The following NXPH4 variants were observed in gnomAD, a reference collection of about 807,000 sequenced individuals.
NXPH4 encodes neurexophilin-4.
In NXPH4, 8 loss-of-function variants were observed where a neutral mutation model predicts 21.3. That is an observed-to-expected ratio of 0.38 (90% CI 0.22 to 0.68). The LOEUF is 0.68. Ranked by LOEUF, NXPH4 falls within the 30% of genes least tolerant of loss-of-function variation. The pLI, the probability that NXPH4 is intolerant of heterozygous loss-of-function variation, is 0.53. For synonymous variants in NXPH4, 219 were observed against 192.6 expected, an observed-to-expected ratio of 1.14 and a Z score of -1.13; for missense variants, 418 against 416.8, an observed-to-expected ratio of 1.00 and a Z score of -0.03.
In NXPH4 at chr12:57,225,904, G is replaced by T; in HGVS notation, c.*157G>T. On this transcript the variant is annotated 3_prime_UTR_variant, in exon 2 of 2. Transcript: ENST00000349394. ...CTTCTCGGGACCCTCAGCTAGCGTG[G>T]GTGCCCTTTTCCTTATGCGGAGTGC... 1.4e-6 allele frequency: 2 copies of T among 1,441,938 alleles called. No homozygotes were observed. Among genetic ancestry groups the T allele is most frequent in the South Asian group, 1.5e-5 (1 of 68,694 alleles). The allele number at this position is 1,441,938 out of a possible 1,614,324, so 89.3% of individuals were successfully genotyped here.
chr12:57,222,508 A>G (rs2037101710), intron 1 of NXPH4, among the ~76,000 whole-genome samples: 1 of 152,138 alleles, frequency 6.6e-6, no homozygotes, highest in African/African-American at 2.4e-5. Context: ...ATCTGATGGC[A>G]TGGGGATAGG....
At position 57,225,983 on chromosome 12, in the gene NXPH4, G is replaced by A. The variant is rs760477789; in HGVS notation, c.*236G>A. On this transcript the variant is annotated 3_prime_UTR_variant, in exon 2 of 2. Transcript: ENST00000349394. ...ACACCCCAAAGTGAAAGGGATAAGAGTGCAGCCCCAGAATAGGCGGGGCTT... is the reference window on the plus strand; with the variant it reads ...ACACCCCAAAGTGAAAGGGATAAGAATGCAGCCCCAGAATAGGCGGGGCTT... 3.6e-5 allele frequency: 50 copies of A among 1,381,506 alleles called. No individual in the cohort carries two copies. Among genetic ancestry groups the A allele is most frequent in the Non-Finnish European group, 4.4e-5 (47 of 1,058,188 alleles). 85.6% of individuals were successfully genotyped at this position (1,381,506 alleles called of 1,614,324 possible).
At chr12:57,222,518 G>C (rs2037101822) in intron 1 of NXPH4, among the ~76,000 whole-genome samples, 1 of 152,154 alleles carries the variant, frequency 6.6e-6, no homozygotes, top group Non-Finnish European at 1.5e-5. Context: ...ATGGGGATAG[G>C]GGGGACCTGG....
Position 57,225,065 on chromosome 12 carries a change from C to A in NXPH4, c.245C>A (p.Ala82Glu). Residue 82 changes from alanine (A) to glutamate (E), a missense_variant, in exon 2 of 2, where the codon GCA (alanine) becomes GAA (glutamate). Coordinates refer to ENST00000349394, the MANE Select transcript of NXPH4 (RefSeq NM_007224.4). ...ACGGGGGCGCTGGCCCGGGCAGGGG[C>A]AGCCGGGGCGTTGCCCGCGCAGCGC... ...NHTGALARAG[A>E]AGALPAQRTK... is the part of the protein sequence containing the mutation. 6.8e-7 allele frequency: 1 copy of A among 1,473,804 alleles called. No individual in the cohort carries two copies. The highest frequency in any genetic ancestry group is 9.0e-7 in the Non-Finnish European group (1 of 1,110,940). The allele number at this position is 1,473,804 out of a possible 1,614,324, so 91.3% of individuals were successfully genotyped here.
In NXPH4 at chr12:57,221,534, A is replaced by C. The variant is rs553217860; in HGVS notation, c.58-3344A>C. ...CCCCCAGCAGCAGGAGGCCACCTCA[A>C]CTCCCTGCAGGTGCGTGGGCCCGCT... is the stretch of plus-strand genomic sequence containing the variant. On this transcript the variant is annotated intron_variant, in intron 1 of 1. Transcript: ENST00000349394. The C allele has an allele frequency of 2.2e-5, 8 of 358,138 alleles. No homozygotes were observed. In the East Asian group the frequency reaches 4.6e-4, roughly 21 times the overall value. The allele number at this position is 358,138 out of a possible 1,614,324, so 22.2% of individuals were successfully genotyped here. A position where few individuals can be genotyped will look rare whatever the true frequency, so the allele number is the denominator to read the frequency against.
chr12:57,220,098 G>T, intron 1 of NXPH4: 1 of 152,814 alleles, frequency 6.5e-6, no homozygotes. Context: ...AACAGAGAGG[G>T]GGCAGGGTCA....
chr12:57,223,649 T>C (rs1219984974), intron 1 of NXPH4, among the ~76,000 whole-genome samples: 1 of 152,200 alleles, frequency 6.6e-6, no homozygotes, highest in Non-Finnish European at 1.5e-5. Context: ...TAGCTCAGGC[T>C]GACTGACACA....
chr12:57,226,079 C>T lies in NXPH4; in HGVS notation c.*332C>T, dbSNP rs1256827858. 5.4e-6 allele frequency: 3 copies of T among 558,254 alleles called. No individual in the cohort carries two copies. The highest frequency in any genetic ancestry group is 3.1e-5 in the East Asian group (1 of 32,756). 34.6% of individuals were successfully genotyped at this position (558,254 alleles called of 1,614,324 possible). A position where few individuals can be genotyped will look rare whatever the true frequency, so the allele number is the denominator to read the frequency against. On this transcript the variant is annotated 3_prime_UTR_variant, in exon 2 of 2. Coordinates refer to ENST00000349394, the MANE Select transcript of NXPH4 (RefSeq NM_007224.4). Reference sequence around the variant, plus strand: ...CACCCTTGGCGCTAGGCTGCGCACTCCCTTTCCCCGCAGCTTTAATAACTC... The same window carrying T: ...CACCCTTGGCGCTAGGCTGCGCACTTCCTTTCCCCGCAGCTTTAATAACTC...
At position 57,226,255 on chromosome 12, in the gene NXPH4, A is replaced by C; in HGVS notation, c.*508A>C. 1 of 317,312 alleles carries C rather than the reference A, an allele frequency of 3.2e-6. No individual in the cohort carries two copies. The highest frequency in any genetic ancestry group is 5.8e-6 in the Non-Finnish European group (1 of 173,442). 19.7% of individuals were successfully genotyped at this position (317,312 alleles called of 1,614,324 possible). A position where few individuals can be genotyped will look rare whatever the true frequency, so the allele number is the denominator to read the frequency against. On this transcript the variant is annotated 3_prime_UTR_variant, in exon 2 of 2. Coordinates refer to ENST00000349394, the MANE Select transcript of NXPH4 (RefSeq NM_007224.4). ...CATATGCCTGTCCCCTTTTCCTCCA[A>C]ACCCTATTAGGGTACCGGAAGCAGA...
chr12:57,217,148 G>C (rs2037047933), intron 1 of NXPH4, 122 bp downstream of exon 1: 1 of 856,146 alleles, frequency 1.2e-6, no homozygotes, highest in East Asian at 3.5e-5. Flanking sequence ...AACTTTGCGC[G>C]GCGCGGGGGA....
chr12:57,222,201 C>T (rs1396741832), intron 1 of NXPH4, among the ~76,000 whole-genome samples: 2 of 152,168 alleles, frequency 1.3e-5, no homozygotes, highest in Admixed American at 6.5e-5. Context: ...TCCTTTTTAT[C>T]TTGGCTGTCT....
chr12:57,222,743 C>T (rs1446931588), intron 1 of NXPH4, among the ~76,000 whole-genome samples: 1 of 152,154 alleles, frequency 6.6e-6, no homozygotes, highest in Non-Finnish European at 1.5e-5. Context: ...GGCCCACCCT[C>T]CAGGTGTTAG....
intron 1 of NXPH4, chr12:57,219,807 G>T (rs2037073330): frequency 6.6e-6 from 1 of 152,406 alleles, no homozygotes; most frequent in African/African-American, 2.4e-5. Context: ...GGAGGGGCAT[G>T]CGTCAGAAAG....
In NXPH4 at chr12:57,225,355, A is replaced by G. The variant is rs2037132318; in HGVS notation, c.535A>G (p.Thr179Ala). 6.3e-7 allele frequency: 1 copy of G among 1,582,440 alleles called. No individual in the cohort carries two copies. Among genetic ancestry groups the G allele is most frequent in the East Asian group, 2.2e-5 (1 of 44,694 alleles). ...PGPVPHPLQS[T>A]LALEGVLPGL... Reference sequence around the variant, plus strand: ...GCCTGTCCCCCACCCTCTGCAGTCTACGCTCGCCCTGGAGGGGGTGCTTCC... The same window carrying G: ...GCCTGTCCCCCACCCTCTGCAGTCTGCGCTCGCCCTGGAGGGGGTGCTTCC... The change falls in exon 2 of 2, where the codon ACG becomes GCG. Residue 179 changes from threonine (T) to alanine (A), a missense_variant. Transcript: ENST00000349394.
chr12:57,219,953 A>C (rs1289388557), intron 1 of NXPH4: 1 of 152,516 alleles, frequency 6.6e-6, no homozygotes, highest in Non-Finnish European at 1.5e-5. Context: ...GGAGAGAGAC[A>C]ACACAAACGT....
At position 57,226,281 on chromosome 12, in the gene NXPH4, A is replaced by G. The variant is rs1343007107; in HGVS notation, c.*534A>G. The G allele has an allele frequency of 7.4e-6, 2 of 269,054 alleles. No homozygotes were observed. The highest frequency in any genetic ancestry group is 1.1e-4 in the Admixed American group (2 of 18,702). 16.7% of individuals were successfully genotyped at this position (269,054 alleles called of 1,614,324 possible). The stretch of plus-strand genomic sequence containing the variant: ...ACCCTATTAGGGTACCGGAAGCAGA[A>G]CCCCTGGGCTGAGGCCCTGGCCCTG... On this transcript the variant is annotated 3_prime_UTR_variant, in exon 2 of 2. Coordinates refer to ENST00000349394, the MANE Select transcript of NXPH4 (RefSeq NM_007224.4).
In NXPH4 at chr12:57,226,119, T is replaced by C; in HGVS notation, c.*372T>C. On this transcript the variant is annotated 3_prime_UTR_variant, in exon 2 of 2. Coordinates refer to ENST00000349394, the MANE Select transcript of NXPH4 (RefSeq NM_007224.4). ...TTTAATAACTCCTGGCCTGGCACCC[T>C]CACCCCACCCTGACTTTCCCATCCC... 2.1e-6 allele frequency: 1 copy of C among 465,998 alleles called. No homozygotes were observed. Among genetic ancestry groups the C allele is most frequent in the Non-Finnish European group, 3.7e-6 (1 of 268,772 alleles). 28.9% of individuals were successfully genotyped at this position (465,998 alleles called of 1,614,324 possible). A position where few individuals can be genotyped will look rare whatever the true frequency, so the allele number is the denominator to read the frequency against.
intron 1 of NXPH4, among the ~76,000 whole-genome samples, chr12:57,219,442 GTCACTAA>G (rs1300450617): frequency 3.9e-5 from 6 of 152,200 alleles, no homozygotes; most frequent in African/African-American, 9.7e-5. Context: ...GCGATCAATA[GTCACTAA>G]TCACTAATCA....
Position 57,217,032 on chromosome 12 carries a change from A to T in NXPH4, c.57+6A>T, listed in dbSNP as rs751727034. ...GCCCGTGGCTCCTTAGGAAGGTAAG[A>T]GTGGCAGGGCTGGGGCGCTAGCGCG... is the stretch of plus-strand genomic sequence containing the variant. On this transcript the variant is annotated splice_donor_region_variant and intron_variant, in intron 1 of 1. Transcript: ENST00000349394. 1.9e-6 allele frequency: 3 copies of T among 1,599,876 alleles called. No individual in the cohort carries two copies. The Admixed American group carries it at 5.1e-5, about 27-fold the overall frequency.
Sources: gnomAD v4.1 joint callset for allele counts (sites outside exome capture counted in the v4.1 genomes callset) on GRCh38, gnomAD v4.1.1 for gene constraint, MANE v1.5 for transcripts, NCBI Gene and HGNC (gene_info 2026-07-23, HGNC 2026-07-21) for gene names.